The following DCC variants were observed in gnomAD, a reference collection of about 807,000 sequenced individuals.
DCC encodes the protein netrin receptor DCC.
DCC carries 58 observed loss-of-function variants against 172.5 expected under a neutral mutation model. That is an observed-to-expected ratio of 0.34 (90% CI 0.27 to 0.42). DCC has a LOEUF of 0.42. DCC is among the 10% of genes least tolerant of loss of function. The pLI, the probability that DCC is intolerant of heterozygous loss-of-function variation, is 1.00. For missense variants in DCC, 1,740 were observed against 1,791.0 expected (o/e 0.97, Z 0.51); for synonymous variants, 709 against 644.5 (o/e 1.10, Z -1.52).
intron 1 of DCC, among the ~76,000 whole-genome samples, chr18:52,604,368 C>T (rs1449208464): frequency 1.3e-5 from 2 of 152,124 alleles, no homozygotes; most frequent in African/African-American, 4.8e-5. Flanking sequence ...TTCATTTCAG[C>T]CACCTACCAG....
intron 2 of DCC, among the ~76,000 whole-genome samples, chr18:52,869,995 C>G (rs543488359): frequency 1.6e-4 from 25 of 152,016 alleles, no homozygotes; most frequent in African/African-American, 6.0e-4. Flanking sequence ...GGTGGGGGCT[C>G]CAGGTCCTCA....
chr18:52,918,575 CAT>C (rs760457242), intron 3 of DCC, among the ~76,000 whole-genome samples: 4 of 152,116 alleles, frequency 2.6e-5, no homozygotes, highest in Non-Finnish European at 4.4e-5. Flanking sequence ...AAGAATACTA[CAT>C]GTTATTTTAA....
chr18:53,172,975 C>T lies in DCC; in HGVS notation c.1419-5987C>T, dbSNP rs375718931. Among the ~76,000 whole-genome samples, 5 of 152,018 alleles carry T rather than the reference C, an allele frequency of 3.3e-5. 1 individual carries two copies. In the South Asian group the frequency reaches 6.2e-4, roughly 19 times the overall value. Reference sequence around the variant, plus strand: ...TGTAAAATAATGATAACAAAACCACCCTATCTATATCAGTAAGGTACCTGA... The same window carrying T: ...TGTAAAATAATGATAACAAAACCACTCTATCTATATCAGTAAGGTACCTGA... On this transcript the variant is annotated intron_variant, in intron 8 of 28. Transcript: ENST00000442544.
At chr18:52,752,936 C>T (rs186098950) in intron 2 of DCC, among the ~76,000 whole-genome samples, 84 of 152,078 alleles carry the variant, frequency 5.5e-4, no homozygotes, top group African/African-American at 1.9e-3. Context: ...AGGATTTACT[C>T]TTTTTAAAGG....
chr18:52,893,453 T>C (rs1161168287), intron 2 of DCC, among the ~76,000 whole-genome samples: 1 of 152,152 alleles, frequency 6.6e-6, no homozygotes, highest in Non-Finnish European at 1.5e-5. Flanking sequence ...TTTAATCCTT[T>C]GGGTAACATG....
chr18:52,818,963 G>A (rs2038354195), intron 2 of DCC, among the ~76,000 whole-genome samples: 1 of 152,204 alleles, frequency 6.6e-6, no homozygotes, highest in Non-Finnish European at 1.5e-5. Context: ...GATTCATGGA[G>A]AGAATTAGCT....
At chr18:52,599,338 A>G (rs961912771) in intron 1 of DCC, among the ~76,000 whole-genome samples, 1 of 152,116 alleles carries the variant, frequency 6.6e-6, no homozygotes, top group Admixed American at 6.5e-5. Flanking sequence ...CATATAGTGT[A>G]TATTTTGAGC....
At chr18:53,004,630 G>C (rs1021320606) in intron 5 of DCC, among the ~76,000 whole-genome samples, 2 of 152,170 alleles carry the variant, frequency 1.3e-5, no homozygotes, top group Non-Finnish European at 2.9e-5. Flanking sequence ...GATGGTTTCT[G>C]TTGCAGATGA....
rs201581144 is a variant in DCC at position 53,391,672 on chromosome 18, G to T, written c.2473G>T (p.Asp825Tyr). The change falls in exon 17 of 29, where the codon GAT becomes TAT. Residue 825 changes from aspartate (D) to tyrosine (Y), a missense_variant. Transcript: ENST00000442544. ...AAACCCAGATCCCACTGACCCAGTT[G>T]ATTATTATCCTTTGCTTGATGATTT... ...RSITDPTDPV[D>Y]YYPLLDDFPT... 6.2e-7 allele frequency: 1 copy of T among 1,613,726 alleles called. No homozygotes were observed. The highest frequency in any genetic ancestry group is 8.5e-7 in the Non-Finnish European group (1 of 1,179,696).
chr18:52,630,333 C>T (rs1396281460), intron 1 of DCC, among the ~76,000 whole-genome samples: 2 of 152,028 alleles, frequency 1.3e-5, no homozygotes, highest in South Asian at 4.1e-4. Flanking sequence ...TTCCTTACAG[C>T]CTGAATGATC....
At chr18:53,095,614 C>A (rs980697561) in intron 7 of DCC, among the ~76,000 whole-genome samples, 1 of 152,136 alleles carries the variant, frequency 6.6e-6, no homozygotes, top group African/African-American at 2.4e-5. Context: ...TCCTGCTCCT[C>A]CTCCTATCCT....
chr18:52,542,890 G>T (rs1031100009), intron 1 of DCC, among the ~76,000 whole-genome samples: 4 of 152,126 alleles, frequency 2.6e-5, no homozygotes, highest in African/African-American at 9.7e-5. Context: ...AGAAGGATGA[G>T]TTGAAGATGT....
chr18:52,837,579 C>T (rs953541234), intron 2 of DCC, among the ~76,000 whole-genome samples: 3 of 152,148 alleles, frequency 2.0e-5, no homozygotes, highest in South Asian at 2.1e-4. Context: ...TCAGCTTGGA[C>T]TTCATTGGTC....
chr18:52,835,515 A>T (rs191978494), intron 2 of DCC, among the ~76,000 whole-genome samples: 2 of 152,264 alleles, frequency 1.3e-5, no homozygotes, highest in East Asian at 3.9e-4. Context: ...TTTTCAGGAG[A>T]CAGATTTTGT....
chr18:52,459,856 A>T (rs1988574326), intron 1 of DCC, among the ~76,000 whole-genome samples: 1 of 150,576 alleles, frequency 6.6e-6, no homozygotes, highest in African/African-American at 2.4e-5. Flanking sequence ...ACATGATCTC[A>T]TTCTTTTTTA....
At chr18:53,304,397 C>T (rs1382187946) in intron 12 of DCC, among the ~76,000 whole-genome samples, 5 of 151,920 alleles carry the variant, frequency 3.3e-5, no homozygotes, top group Non-Finnish European at 1.5e-5. Context: ...TAATAATTTT[C>T]TCTAGAGAAG....
At chr18:53,367,809 A>C (rs1014389739) in intron 15 of DCC, among the ~76,000 whole-genome samples, 1 of 152,186 alleles carries the variant, frequency 6.6e-6, no homozygotes, top group African/African-American at 2.4e-5. Flanking sequence ...TTCACTTAGC[A>C]TAAGGGCCTG....
At chr18:53,076,219 C>T (rs1176420838) in intron 7 of DCC, among the ~76,000 whole-genome samples, 1 of 152,134 alleles carries the variant, frequency 6.6e-6, no homozygotes, top group Non-Finnish European at 1.5e-5. Context: ...AGCATTCCTC[C>T]TTTGTGAATT....
At chr18:52,383,066 A>T (rs1166614830) in intron 1 of DCC, among the ~76,000 whole-genome samples, 1 of 151,952 alleles carries the variant, frequency 6.6e-6, no homozygotes, top group Admixed American at 6.6e-5. Flanking sequence ...ATTCTTCACC[A>T]TTACACACGA....
Sources: allele counts gnomAD v4.1 joint callset (sites outside exome capture counted in the v4.1 genomes callset), GRCh38; gene constraint gnomAD v4.1.1; transcripts MANE v1.5; gene names NCBI Gene and HGNC (gene_info 2026-07-23, HGNC 2026-07-21).